TTC27: variants seen among roughly 807,000 people sequenced by gnomAD.
TTC27 encodes the protein tetratricopeptide repeat domain 27.
Under a neutral mutation model 115.9 loss-of-function variants are expected in TTC27, and 79 were observed. That is an observed-to-expected ratio of 0.68 (90% CI 0.57 to 0.82). The LOEUF (loss-of-function observed/expected upper bound fraction) is 0.82, where lower values mean the gene tolerates loss of function less well. TTC27 is among the 40% of genes least tolerant of loss of function. TTC27 has a pLI of 0.00. For synonymous variants in TTC27, 401 were observed against 356.0 expected (o/e 1.13, Z -1.42); for missense variants, 1,054 against 993.1 (o/e 1.06, Z -0.82).
intron 10 of TTC27, among the ~76,000 whole-genome samples, chr2:32,719,319 A>G (rs1006586162): frequency 1.3e-5 from 2 of 152,240 alleles, no homozygotes; most frequent in African/African-American, 4.8e-5. Flanking sequence ...CCTAGTCATC[A>G]AGAAAAAAGG....
At chr2:32,728,118 G>A (rs531990680) in intron 10 of TTC27, among the ~76,000 whole-genome samples, 103 of 145,302 alleles carry the variant, frequency 7.1e-4, no homozygotes, top group Non-Finnish European at 1.3e-3. Flanking sequence ...TCTGCTCACT[G>A]CAAGCTCCAC....
chr2:32,670,097 C>G (rs573986175), intron 7 of TTC27, among the ~76,000 whole-genome samples: 1 of 151,824 alleles, frequency 6.6e-6, no homozygotes, highest in African/African-American at 2.4e-5. Flanking sequence ...AGGCTGGTCT[C>G]GAACTTCTGA....
Position 32,670,977 on chromosome 2 carries a change from C to T in TTC27, c.940-1295C>T, listed in dbSNP as rs560302225. On this transcript the variant is annotated intron_variant, in intron 7 of 19. Transcript: ENST00000317907. ...TTCTTATTGAGTTCTAAGAGTTCTC[C>T]ATATTCTGGATGCAAGTCCCTTTTC... Among the ~76,000 whole-genome samples the T allele has an allele frequency of 2.7e-5, 4 of 149,958 alleles. 1 individual carries two copies. In the South Asian group the frequency reaches 8.5e-4, roughly 32 times the overall value.
chr2:32,644,086 CAGG>C (rs1236637279), intron 4 of TTC27, among the ~76,000 whole-genome samples: 6 of 148,446 alleles, frequency 4.0e-5, no homozygotes, highest in African/African-American at 1.5e-4. Context: ...AAGGCTGAGG[CAGG>C]AGAATTGCTT....
intron 9 of TTC27, among the ~76,000 whole-genome samples, chr2:32,683,989 G>A (rs538100052): frequency 2.4e-4 from 36 of 151,766 alleles, no homozygotes; most frequent in African/African-American, 8.5e-4. Context: ...CCCTGTCTCT[G>A]CTAAAAAAAA....
At chr2:32,649,895 G>T (rs1665022991) in intron 4 of TTC27, among the ~76,000 whole-genome samples, 1 of 151,892 alleles carries the variant, frequency 6.6e-6, no homozygotes, top group Non-Finnish European at 1.5e-5. Context: ...GCATAAGGAA[G>T]TCCAAGTGGC....
chr2:32,687,541 CTA>C (rs1666675389), intron 9 of TTC27, among the ~76,000 whole-genome samples: 1 of 152,164 alleles, frequency 6.6e-6, no homozygotes, highest in Admixed American at 6.5e-5. Flanking sequence ...CGAGAGACAA[CTA>C]TATGCTTCCT....
At chr2:32,767,442 A>AGT (rs1553317294) in intron 13 of TTC27, among the ~76,000 whole-genome samples, 1 of 101,734 alleles carries the variant, frequency 9.8e-6, no homozygotes, top group Non-Finnish European at 2.0e-5. Context: ...AATATTTATA[A>AGT]GTTTTTTTTT....
At chr2:32,759,530 T>A (rs1669361435) in intron 13 of TTC27, among the ~76,000 whole-genome samples, 1 of 152,112 alleles carries the variant, frequency 6.6e-6, no homozygotes, top group Admixed American at 6.5e-5. Context: ...GGCCAAGGGA[T>A]TAATTGAGCT....
chr2:32,820,862 C>T lies in TTC27; in HGVS notation c.2456C>T (p.Ala819Val). 6.5e-7 allele frequency: 1 copy of T among 1,544,414 alleles called. No homozygotes were observed. The highest frequency in any genetic ancestry group is 1.4e-5 in the African/African-American group (1 of 73,038). ...ACTGGAGAAATGTCCAGGGAATTAG[C>T]TGATGACATAACAGCTATGGACACC... ...VATGEMSREL[A>V]DDITAMDTLV... is the part of the protein sequence containing the mutation. Residue 819 changes from alanine (A) to valine (V), a missense_variant, in exon 20 of 20, where the codon GCT becomes GTT. Coordinates refer to ENST00000317907, the MANE Select transcript of TTC27 (RefSeq NM_017735.5).
chr2:32,652,649 T>G (rs540924466), intron 5 of TTC27, among the ~76,000 whole-genome samples: 32 of 152,158 alleles, frequency 2.1e-4, no homozygotes, highest in Non-Finnish European at 1.9e-4. Flanking sequence ...TATCTAGTCA[T>G]AAAATGGTCC....
chr2:32,724,382 G>C (rs1007964517), intron 10 of TTC27, among the ~76,000 whole-genome samples: 2 of 152,164 alleles, frequency 1.3e-5, no homozygotes, highest in African/African-American at 4.8e-5. Flanking sequence ...AGCAGTGGAA[G>C]GGCAGGGGAG....
At chr2:32,687,936 C>T (rs1019237738) in intron 9 of TTC27, among the ~76,000 whole-genome samples, 1 of 152,118 alleles carries the variant, frequency 6.6e-6, no homozygotes, top group African/African-American at 2.4e-5. Context: ...TAAATGGCAA[C>T]ATCAGCCATT....
In TTC27 at chr2:32,630,818, A is replaced by T. The variant is rs528722639; in HGVS notation, c.266+118A>T. 5.2e-5 allele frequency: 46 copies of T among 890,896 alleles called. 2 individuals carry two copies. In the South Asian group the frequency reaches 1.0e-3, roughly 20 times the overall value. The allele number at this position is 890,896 out of a possible 1,614,324, so 55.2% of individuals were successfully genotyped here. A position where few individuals can be genotyped will look rare whatever the true frequency, so the allele number is the denominator to read the frequency against. ...AACCTTGCCTTATATTTTACTCAAG[A>T]CTCATGGTGTACCAAGTAATCTATG... On this transcript the variant is annotated intron_variant, in intron 2 of 19. Coordinates refer to ENST00000317907, the MANE Select transcript of TTC27 (RefSeq NM_017735.5).
chr2:32,640,549 G>A, intron 4 of TTC27, 139 bp downstream of exon 4: 1 of 875,448 alleles, frequency 1.1e-6, no homozygotes, highest in Non-Finnish European at 1.7e-6. Flanking sequence ...AAAATCTGAT[G>A]AAAATAAGCA....
At chr2:32,692,150 G>C (rs1382586776) in intron 9 of TTC27, among the ~76,000 whole-genome samples, 1 of 145,352 alleles carries the variant, frequency 6.9e-6, no homozygotes, top group East Asian at 2.1e-4. Flanking sequence ...CAAAGTGCTG[G>C]GATTATAGGC....
chr2:32,679,234 T>A (rs567483782), intron 9 of TTC27, among the ~76,000 whole-genome samples: 1 of 152,252 alleles, frequency 6.6e-6, no homozygotes, highest in East Asian at 1.9e-4. Flanking sequence ...TCTAGAGCAG[T>A]CCGGAGATAA....
intron 5 of TTC27, among the ~76,000 whole-genome samples, chr2:32,657,191 T>C (rs928649147): frequency 6.6e-5 from 10 of 151,696 alleles, no homozygotes; most frequent in African/African-American, 2.4e-4. Flanking sequence ...TTCACTGTGT[T>C]AGCCAGGATG....
intron 14 of TTC27, 31 bp from the exon 15 acceptor site, chr2:32,782,595 A>C: frequency 6.3e-7 from 1 of 1,599,096 alleles, no homozygotes; most frequent in Non-Finnish European, 8.6e-7. Context: ...AAATGAGAAG[A>C]GTTAATTAAC....
Sources: allele counts gnomAD v4.1 joint callset (sites outside exome capture counted in the v4.1 genomes callset), GRCh38; gene constraint gnomAD v4.1.1; transcripts MANE v1.5; gene names NCBI Gene and HGNC (gene_info 2026-07-23, HGNC 2026-07-21).